TIAM1: variants seen among roughly 807,000 people sequenced by gnomAD.
TIAM1 encodes the protein TIAM Rac1 associated GEF 1, also known as rho guanine nucleotide exchange factor TIAM1.
Under a neutral mutation model 163.5 loss-of-function variants are expected in TIAM1, and 65 were observed. That is an observed-to-expected ratio of 0.40 (90% CI 0.33 to 0.49). The LOEUF is 0.49. Among genes scored for constraint, TIAM1 ranks in the 20% least tolerant of loss-of-function variants. TIAM1 has a pLI of 0.77. For synonymous variants in TIAM1, 833 were observed against 810.1 expected (o/e 1.03, Z -0.48); for missense variants, 1,789 against 2,044.7 (o/e 0.87, Z 2.41).
chr21:31,220,316 C>T (rs779778988), intron 8 of TIAM1, among the ~76,000 whole-genome samples: 6 of 152,162 alleles, frequency 3.9e-5, no homozygotes, highest in South Asian at 2.1e-4. Flanking sequence ...ATAAAACTGA[C>T]GGATGCCAGG....
Position 31,212,759 on chromosome 21 carries a change from T to A in TIAM1, c.2217+639A>T, listed in dbSNP as rs559484179. 6 of 150,194 alleles carry A rather than the reference T, an allele frequency of 4.0e-5. No individual in the cohort carries two copies. In the East Asian group the frequency reaches 1.2e-3, roughly 30 times the overall value. The allele number at this position is 150,194 out of a possible 1,614,324, so 9.3% of individuals were successfully genotyped here. Reference sequence around the variant, plus strand: ...TCCCAAGTAGCTGGGACTACAGGTGTCCAGCTAATTTTTTTTTTTTTTGTA... The same window carrying A: ...TCCCAAGTAGCTGGGACTACAGGTGACCAGCTAATTTTTTTTTTTTTTGTA... On this transcript the variant is annotated intron_variant, in intron 10 of 27. Transcript: ENST00000541036.
intron 13 of TIAM1, among the ~76,000 whole-genome samples, chr21:31,189,695 AG>A (rs2085463963): frequency 6.6e-6 from 1 of 152,114 alleles, no homozygotes; most frequent in South Asian, 2.1e-4. Flanking sequence ...CCAGGTAGGC[AG>A]CCCTCCCCAC....
intron 2 of TIAM1, among the ~76,000 whole-genome samples, chr21:31,456,199 ATC>A (rs1193629067): frequency 4.6e-5 from 7 of 152,196 alleles, no homozygotes; most frequent in African/African-American, 1.7e-4. Context: ...TTTGTATATT[ATC>A]TAAAGAATAA....
chr21:31,350,148 C>T (rs551547933), intron 2 of TIAM1, among the ~76,000 whole-genome samples: 84 of 152,202 alleles, frequency 5.5e-4, no homozygotes, highest in African/African-American at 1.9e-3. Flanking sequence ...GAGGGCTCAC[C>T]CTCTTGAGCC....
chr21:31,410,294 T>A (rs2077327233), intron 2 of TIAM1, among the ~76,000 whole-genome samples: 1 of 151,692 alleles, frequency 6.6e-6, no homozygotes, highest in South Asian at 2.1e-4. Flanking sequence ...TGTCTGATAG[T>A]GTGTGTAATG....
intron 1 of TIAM1, among the ~76,000 whole-genome samples, chr21:31,496,040 G>A (rs1222944641): frequency 2.6e-5 from 4 of 152,182 alleles, no homozygotes; most frequent in African/African-American, 4.8e-5. Context: ...ACAAGACGTG[G>A]AGGTGGACAA....
chr21:31,407,263 T>G (rs1282247739), intron 2 of TIAM1, among the ~76,000 whole-genome samples: 1 of 152,012 alleles, frequency 6.6e-6, no homozygotes, highest in Non-Finnish European at 1.5e-5. Context: ...TCCCTGGAGT[T>G]GTTTAATATT....
chr21:31,475,784 G>A (rs998434869), intron 1 of TIAM1, among the ~76,000 whole-genome samples: 2 of 152,212 alleles, frequency 1.3e-5, no homozygotes, highest in African/African-American at 4.8e-5. Context: ...ACAGCGAAAC[G>A]ATCTTGGCCT....
At chr21:31,498,811 T>C (rs1339847477) in intron 1 of TIAM1, among the ~76,000 whole-genome samples, 1 of 152,062 alleles carries the variant, frequency 6.6e-6, no homozygotes, top group Non-Finnish European at 1.5e-5. Flanking sequence ...CCAGGCGTGA[T>C]GGCGGGTGCC....
chr21:31,228,220 TAAAAAAAAAAAAAAAAAAAAAAAAAA>T (rs71191197), intron 6 of TIAM1, among the ~76,000 whole-genome samples: 3 of 16,264 alleles, frequency 1.8e-4, no homozygotes, highest in Non-Finnish European at 2.5e-4. Context: ...CTCCTTTTTT[TAAAAAAAAAAAAAAAAAAAAAAAAAA>T]AAAAAAAAAA....
intron 1 of TIAM1, among the ~76,000 whole-genome samples, chr21:31,474,929 C>G (rs2045882067): frequency 6.6e-6 from 1 of 151,998 alleles, no homozygotes; most frequent in Non-Finnish European, 1.5e-5. Context: ...ACTTTTCCAG[C>G]TTCCTGCAGC....
rs531824943 is a variant in TIAM1, at chr21:31,137,318, C to A, written c.3775-1277G>T. Among the ~76,000 whole-genome samples the A allele has an allele frequency of 1.6e-4, 24 of 152,336 alleles. 1 individual carries two copies. The South Asian group carries it at 4.8e-3, about 30-fold the overall frequency. On this transcript the variant is annotated intron_variant, in intron 22 of 27. Transcript: ENST00000541036. ...CTCCCTTGATTGAAATTATTATAAT[C>A]ATCACTGTCATTATTACTAAGCTAT...
intron 2 of TIAM1, among the ~76,000 whole-genome samples, chr21:31,311,089 G>C (rs757279574): frequency 2.6e-5 from 4 of 151,992 alleles, no homozygotes; most frequent in Admixed American, 2.6e-4. Context: ...CAATAAGCTC[G>C]TTCCAGAACA....
At chr21:31,410,791 G>A (rs934771168) in intron 2 of TIAM1, among the ~76,000 whole-genome samples, 1 of 152,018 alleles carries the variant, frequency 6.6e-6, no homozygotes, top group African/African-American at 2.4e-5. Context: ...GAGACAGAAA[G>A]GGAGAGTCTG....
chr21:31,454,131 C>A (rs978734381), intron 2 of TIAM1, among the ~76,000 whole-genome samples: 3 of 152,156 alleles, frequency 2.0e-5, no homozygotes, highest in African/African-American at 7.2e-5. Flanking sequence ...CTAAGATTTA[C>A]TATTTGTTAT....
At chr21:31,325,780 G>A (rs1210755028) in intron 2 of TIAM1, among the ~76,000 whole-genome samples, 3 of 152,040 alleles carry the variant, frequency 2.0e-5, no homozygotes, top group Admixed American at 6.6e-5. Flanking sequence ...TCAAAAAGCT[G>A]GAAAGAAACC....
chr21:31,193,565 T>C (rs1430759230), intron 13 of TIAM1, among the ~76,000 whole-genome samples: 1 of 152,322 alleles, frequency 6.6e-6, no homozygotes, highest in Non-Finnish European at 1.5e-5. Context: ...TGGTTTCCCC[T>C]AGACTTCACT....
At chr21:31,228,332 C>T (rs1246915712) in intron 6 of TIAM1, among the ~76,000 whole-genome samples, 1 of 142,174 alleles carries the variant, frequency 7.0e-6, no homozygotes, top group Non-Finnish European at 1.5e-5. Flanking sequence ...AACTCCTATG[C>T]ACTGCTGGCC....
chr21:31,466,939 C>G (rs947539256), intron 1 of TIAM1, among the ~76,000 whole-genome samples: 5 of 151,102 alleles, frequency 3.3e-5, no homozygotes, highest in Non-Finnish European at 7.4e-5. Context: ...TTCAAAGTGG[C>G]CTTGTAATGA....
Sources: gnomAD v4.1 joint callset for allele counts (sites outside exome capture counted in the v4.1 genomes callset) on GRCh38, gnomAD v4.1.1 for gene constraint, MANE v1.5 for transcripts, NCBI Gene and HGNC (gene_info 2026-07-23, HGNC 2026-07-21) for gene names.